Variants in LANCL2 observed in about 807,000 individuals in gnomAD.
LANCL2 encodes the protein LanC like glutathione S-transferase 2.
In LANCL2, 33 loss-of-function variants were observed where a neutral mutation model predicts 56.9. That is an observed-to-expected ratio of 0.58 (90% CI 0.44 to 0.78). The LOEUF (loss-of-function observed/expected upper bound fraction) is 0.78. Ranked by LOEUF, LANCL2 falls within the 30% of genes least tolerant of loss-of-function variation. The pLI is 0.00. For missense variants in LANCL2, 562 were observed against 580.2 expected (o/e 0.97, Z 0.32); for synonymous variants, 233 against 228.2 (o/e 1.02, Z -0.19).
At chr7:55,416,925 C>T (rs1191291996) in intron 6 of LANCL2, among the ~76,000 whole-genome samples, 1 of 142,256 alleles carries the variant, frequency 7.0e-6, no homozygotes, top group Non-Finnish European at 1.5e-5. Context: ...TGTGATTTAT[C>T]TCAAATTAAG....
intron 5 of LANCL2, 102 bp downstream of exon 5, chr7:55,401,422 C>T (rs1056812835): frequency 2.2e-6 from 2 of 917,520 alleles, no homozygotes; most frequent in Non-Finnish European, 1.6e-6. Context: ...AAATACCCTA[C>T]TTTGAATCGC....
chr7:55,402,539 T>G (rs1479605180), intron 5 of LANCL2, among the ~76,000 whole-genome samples: 2 of 113,136 alleles, frequency 1.8e-5, no homozygotes, highest in African/African-American at 3.5e-5. Context: ...TGGGGCGGCT[T>G]GCCGGGCGGG....
chr7:55,419,987 T>C (rs538921751), intron 6 of LANCL2, among the ~76,000 whole-genome samples: 1 of 152,270 alleles, frequency 6.6e-6, no homozygotes, highest in South Asian at 2.1e-4. Flanking sequence ...ACCTCATCTC[T>C]ACAAAAAATC....
At chr7:55,400,975 C>T (rs1373093890) in intron 4 of LANCL2, among the ~76,000 whole-genome samples, 199 bp from the exon 5 acceptor site, 1 of 152,152 alleles carries the variant, frequency 6.6e-6, no homozygotes, top group African/African-American at 2.4e-5. Context: ...CTGACATTGG[C>T]TCCTGATTTC....
At chr7:55,410,960 C>G (rs985559952) in intron 5 of LANCL2, among the ~76,000 whole-genome samples, 2 of 150,828 alleles carry the variant, frequency 1.3e-5, no homozygotes, top group Non-Finnish European at 3.0e-5. Flanking sequence ...GGTGACATGT[C>G]ACCCTGAGAT....
intron 1 of LANCL2, among the ~76,000 whole-genome samples, chr7:55,390,633 T>C (rs1790176606): frequency 6.6e-6 from 1 of 151,752 alleles, no homozygotes; most frequent in Non-Finnish European, 1.5e-5. Flanking sequence ...ATACAAAAAT[T>C]AGCTGGGCGT....
At chr7:55,407,148 C>T (rs1267456570) in intron 5 of LANCL2, among the ~76,000 whole-genome samples, 1 of 152,184 alleles carries the variant, frequency 6.6e-6, no homozygotes, top group African/African-American at 2.4e-5. Flanking sequence ...TCAACTCGTG[C>T]TGGAGACAAA....
intron 1 of LANCL2, among the ~76,000 whole-genome samples, chr7:55,368,280 A>T (rs1358317697): frequency 6.6e-6 from 1 of 152,216 alleles, no homozygotes; most frequent in Non-Finnish European, 1.5e-5. Context: ...GACCTCAGTT[A>T]TATACCTGAT....
Position 55,391,819 on chromosome 7 carries a change from C to A in LANCL2, c.231C>A (p.Ile77=). 6.2e-7 allele frequency: 1 copy of A among 1,608,662 alleles called. No individual in the cohort carries two copies. Among genetic ancestry groups the A allele is most frequent in the Non-Finnish European group, 8.5e-7 (1 of 1,175,410 alleles). The part of the protein sequence containing the change: ...GKIIHNFIRR[I]QTKIKDLLQQ... ...TCATTCATAATTTCATAAGACGGAT[C>A]CAGACCAAAATTAAAGATCTTCTGC... Residue 77 remains isoleucine, a synonymous_variant, in exon 2 of 9, where the codon ATC becomes ATA. Transcript: ENST00000254770.
At position 55,391,771 on chromosome 7, in the gene LANCL2, T is replaced by G. The variant is rs757698724; in HGVS notation, c.205-22T>G. ...TGTCCCATTCTTGTGAAGTTAAAGT[T>G]ATCTCTTCTTTTGGATCTCAGATCA... On this transcript the variant is annotated intron_variant, in intron 1 of 8. Coordinates refer to ENST00000254770, the MANE Select transcript of LANCL2 (RefSeq NM_018697.4). 2.7e-5 allele frequency: 35 copies of G among 1,278,532 alleles called. No individual in the cohort carries two copies. The highest frequency in any genetic ancestry group is 3.7e-5 in the Non-Finnish European group (32 of 876,276). 79.2% of individuals were successfully genotyped at this position (1,278,532 alleles called of 1,614,324 possible).
intron 1 of LANCL2, among the ~76,000 whole-genome samples, chr7:55,390,227 AAG>A (rs10566867): frequency 9.2e-5 from 14 of 151,858 alleles, no homozygotes; most frequent in Non-Finnish European, 1.8e-4. Flanking sequence ...TGAAAGCAAA[AAG>A]AGAGAGAGAG....
At chr7:55,394,908 G>T (rs1050064840) in intron 2 of LANCL2, among the ~76,000 whole-genome samples, 1 of 152,222 alleles carries the variant, frequency 6.6e-6, no homozygotes, top group African/African-American at 2.4e-5. Context: ...GAGAGCTGTA[G>T]AACAGGCATG....
chr7:55,405,282 C>T (rs1489357746), intron 5 of LANCL2, among the ~76,000 whole-genome samples: 1 of 152,148 alleles, frequency 6.6e-6, no homozygotes, highest in African/African-American at 2.4e-5. Context: ...GCCTTTGGTT[C>T]TGTTCAGGCC....
chr7:55,374,679 C>T (rs996568368), intron 1 of LANCL2, among the ~76,000 whole-genome samples: 1 of 152,214 alleles, frequency 6.6e-6, no homozygotes, highest in Non-Finnish European at 1.5e-5. Flanking sequence ...CATCACATCA[C>T]ATCTTCATGT....
intron 6 of LANCL2, among the ~76,000 whole-genome samples, chr7:55,423,291 G>A (rs959854882): frequency 6.6e-5 from 10 of 152,192 alleles, no homozygotes; most frequent in Admixed American, 6.5e-4. Flanking sequence ...GCTGCATTGT[G>A]GGCATGGCTC....
At chr7:55,403,577 T>G (rs1447243917) in intron 5 of LANCL2, among the ~76,000 whole-genome samples, 218 of 141,194 alleles carry the variant, frequency 1.5e-3, no homozygotes, top group African/African-American at 5.4e-3. Context: ...TTGTTTTTTT[T>G]TTTTTTTTTT....
chr7:55,396,687 A>G (rs1583752194), intron 2 of LANCL2, among the ~76,000 whole-genome samples: 1 of 146,916 alleles, frequency 6.8e-6, no homozygotes, highest in Non-Finnish European at 1.5e-5. Context: ...CCTGCCAACA[A>G]AAAACGACAA....
At chr7:55,366,532 G>C (rs770965294) in intron 1 of LANCL2, among the ~76,000 whole-genome samples, 8 of 152,134 alleles carry the variant, frequency 5.3e-5, no homozygotes, top group Non-Finnish European at 7.3e-5. Flanking sequence ...GTGCACTCGT[G>C]AGGCCCGCGG....
intron 7 of LANCL2, chr7:55,427,943 G>C (rs921302981): frequency 1.2e-5 from 2 of 172,342 alleles, no homozygotes; most frequent in African/African-American, 4.7e-5. Flanking sequence ...GAGAGGCGGC[G>C]CCCCAGGCAG....
Sources: gnomAD v4.1 joint callset for allele counts (sites outside exome capture counted in the v4.1 genomes callset) on GRCh38, gnomAD v4.1.1 for gene constraint, MANE v1.5 for transcripts, NCBI Gene and HGNC (gene_info 2026-07-23, HGNC 2026-07-21) for gene names.